DHX35: variants seen among roughly 807,000 people sequenced by gnomAD.
DHX35 encodes the protein probable ATP-dependent RNA helicase DHX35.
Under a neutral mutation model 99.6 loss-of-function variants are expected in DHX35, and 84 were observed. The observed-to-expected ratio is 0.84, with a 90% CI of 0.71 to 1.01. The LOEUF (loss-of-function observed/expected upper bound fraction) is 1.01. Among genes scored for constraint, DHX35 ranks in the 50% least tolerant of loss-of-function variants. The pLI is 0.00. For missense variants in DHX35, 852 were observed against 888.5 expected (o/e 0.96, Z 0.52); for synonymous variants, 331 against 316.2 (o/e 1.05, Z -0.50).
rs567313589 is a variant in DHX35 at position 39,034,416 on chromosome 20, C to T, written c.2067+99C>T. On this transcript the variant is annotated intron_variant, in intron 21 of 21. Transcript: ENST00000252011. ...TCCAATTTAATGCCCTATGTGTGTT[C>T]CCCCTAGGGGTGCATAGGGTGGAAA... is the stretch of plus-strand genomic sequence containing the variant. 3.0e-6 allele frequency: 3 copies of T among 994,354 alleles called. No individual in the cohort carries two copies. The South Asian group carries it at 4.1e-5, about 14-fold the overall frequency. The allele number at this position is 994,354 out of a possible 1,614,324, so 61.6% of individuals were successfully genotyped here. A position where few individuals can be genotyped will look rare whatever the true frequency, so the allele number is the denominator to read the frequency against.
At chr20:38,989,101 T>TC (rs202139669) in intron 5 of DHX35, among the ~76,000 whole-genome samples, 184 bp downstream of exon 5, 17,869 of 145,618 alleles carry the variant, frequency 0.12, 1,351 homozygotes, top group Middle Eastern at 0.23. Flanking sequence ...TTTTTTCTTT[T>TC]TTTTTTTTTT....
chr20:39,019,430 G>A (rs1471036902), intron 15 of DHX35, among the ~76,000 whole-genome samples: 1 of 152,138 alleles, frequency 6.6e-6, no homozygotes, highest in East Asian at 1.9e-4. Flanking sequence ...CACTTTGGTT[G>A]CTTCTAACTT....
chr20:38,991,634 C>A, intron 6 of DHX35, 119 bp downstream of exon 6: 1 of 817,852 alleles, frequency 1.2e-6, no homozygotes, highest in Non-Finnish European at 1.9e-6. Context: ...AAGCTTTTCT[C>A]TTGACCTTGG....
intron 18 of DHX35, among the ~76,000 whole-genome samples, chr20:39,027,273 A>G (rs2086972314): frequency 6.6e-6 from 1 of 152,244 alleles, no homozygotes; most frequent in Non-Finnish European, 1.5e-5. Context: ...ATGGAGACTA[A>G]ATAAATTACA....
rs534634735 is a variant in DHX35, at chr20:38,993,794, A to G, written c.583-1027A>G. Among the ~76,000 whole-genome samples the G allele has an allele frequency of 1.4e-3, 205 of 151,552 alleles. 1 individual carries two copies. The highest frequency in any genetic ancestry group is 4.0e-3 in the South Asian group (19 of 4,806). On this transcript the variant is annotated intron_variant, in intron 7 of 21. Transcript: ENST00000252011. ...ATAAGGAAAGTTTTCATCATTGCAG[A>G]GAGTTCTTTTAGACATAGGTACTGT... is the stretch of plus-strand genomic sequence containing the variant.
In DHX35 at chr20:39,006,163, T is replaced by C; in HGVS notation, c.1029T>C (p.Asn343=). 1.2e-6 allele frequency: 2 copies of C among 1,613,686 alleles called. No individual in the cohort carries two copies. Among genetic ancestry groups the C allele is most frequent in the Admixed American group, 1.7e-5 (1 of 60,010 alleles). The change falls in exon 12 of 22, where the codon AAT becomes AAC. Residue 343 remains asparagine (N), a synonymous_variant. Transcript: ENST00000252011. ...RSVRKVIVAT[N]VAETSITISG... ...GAACGTAGGTGATAGTGGCCACCAA[T>C]GTGGCAGAAACCTCTATCACAATCA... is the stretch of plus-strand genomic sequence containing the variant.
At chr20:38,974,200 A>G (rs1484494402) in intron 3 of DHX35, among the ~76,000 whole-genome samples, 1 of 152,214 alleles carries the variant, frequency 6.6e-6, no homozygotes, top group Non-Finnish European at 1.5e-5. Context: ...TTATATTGAG[A>G]TATAAGGTGA....
At chr20:39,034,122 T>A (rs1371466717) in intron 20 of DHX35, 84 bp from the exon 21 acceptor site, 74 of 1,003,308 alleles carry the variant, frequency 7.4e-5, no homozygotes, top group Non-Finnish European at 1.1e-4. Context: ...CTGTTAAAGG[T>A]TAAAGGAAAC....
intron 20 of DHX35, among the ~76,000 whole-genome samples, chr20:39,031,333 CTTTT>C (rs111833262): frequency 1.5e-5 from 2 of 131,686 alleles, no homozygotes; most frequent in African/African-American, 5.5e-5. Context: ...GCTCACGGTT[CTTTT>C]TTTTTTTTTT....
intron 1 of DHX35, among the ~76,000 whole-genome samples, chr20:38,963,327 A>T (rs893912798): frequency 3.3e-5 from 5 of 152,384 alleles, no homozygotes; most frequent in African/African-American, 7.2e-5. Flanking sequence ...TATTGCAGCA[A>T]AAATGAAATG....
rs2086521587 is a variant in DHX35 at position 39,001,657 on chromosome 20, A to G, written c.643-73A>G. On this transcript the variant is annotated intron_variant, in intron 8 of 21. Coordinates refer to ENST00000252011, the MANE Select transcript of DHX35 (RefSeq NM_021931.4). ...ACCTGTCTTTGGCAAGTTTTATATTATTTTTTCTTTCCATGAATCGCTACG... is the reference window on the plus strand; with the variant it reads ...ACCTGTCTTTGGCAAGTTTTATATTGTTTTTTCTTTCCATGAATCGCTACG... 4 of 1,205,662 alleles carry G rather than the reference A, an allele frequency of 3.3e-6. No homozygotes were observed. In the East Asian group the frequency reaches 9.4e-5, roughly 28 times the overall value. 74.7% of individuals were successfully genotyped at this position (1,205,662 alleles called of 1,614,324 possible). A position where few individuals can be genotyped will look rare whatever the true frequency, so the allele number is the denominator to read the frequency against.
chr20:38,978,694 A>T (rs916783227), intron 3 of DHX35, among the ~76,000 whole-genome samples: 1 of 152,056 alleles, frequency 6.6e-6, no homozygotes, highest in Non-Finnish European at 1.5e-5. Context: ...TTTTAATTTG[A>T]TGCAATCCCG....
At chr20:39,028,979 T>G (rs2087001334) in intron 19 of DHX35, among the ~76,000 whole-genome samples, 1 of 152,200 alleles carries the variant, frequency 6.6e-6, no homozygotes, top group Non-Finnish European at 1.5e-5. Flanking sequence ...ATAACCTGAT[T>G]CTTCCAGTTC....
intron 5 of DHX35, among the ~76,000 whole-genome samples, chr20:38,991,181 C>T (rs2086331510): frequency 6.6e-6 from 1 of 152,178 alleles, no homozygotes; most frequent in African/African-American, 2.4e-5. Flanking sequence ...GGTGCAAGCC[C>T]AGAGGAAATG....
Position 39,014,869 on chromosome 20 carries a change from G to T in DHX35, c.1348-11G>T. ...TAAATTGATTCAGGAAGATTTTTAT[G>T]TTTTTTCCAGCCCCCTCCAGCACAG... is the stretch of plus-strand genomic sequence containing the variant. On this transcript the variant is annotated splice_polypyrimidine_tract_variant and intron_variant, in intron 13 of 21. Coordinates refer to ENST00000252011, the MANE Select transcript of DHX35 (RefSeq NM_021931.4). 1 of 1,614,066 alleles carries T rather than the reference G, an allele frequency of 6.2e-7. No individual in the cohort carries two copies. Among genetic ancestry groups the T allele is most frequent in the Non-Finnish European group, 8.5e-7 (1 of 1,179,984 alleles).
At chr20:39,036,246 A>G (rs537393587) in intron 21 of DHX35, among the ~76,000 whole-genome samples, 1 of 152,358 alleles carries the variant, frequency 6.6e-6, no homozygotes, top group East Asian at 1.9e-4. Context: ...TTCTCAGCTC[A>G]AAATTCCAGT....
chr20:38,968,072 C>T (rs867318145), intron 1 of DHX35, among the ~76,000 whole-genome samples: 3 of 152,148 alleles, frequency 2.0e-5, no homozygotes, highest in South Asian at 2.1e-4. Context: ...AAGTGAGCTC[C>T]GTGAGGGTAG....
intron 16 of DHX35, among the ~76,000 whole-genome samples, chr20:39,023,320 A>G (rs770457159): frequency 6.6e-5 from 10 of 152,174 alleles, no homozygotes; most frequent in Non-Finnish European, 1.3e-4. Context: ...CCCACACGCT[A>G]TTCACCATGC....
chr20:39,025,387 C>T, intron 18 of DHX35, 28 bp downstream of exon 18: 1 of 1,608,350 alleles, frequency 6.2e-7, no homozygotes, highest in Non-Finnish European at 8.5e-7. Context: ...CAGCTGGTGA[C>T]CTCCCTTGCT....
Sources: allele counts gnomAD v4.1 joint callset (sites outside exome capture counted in the v4.1 genomes callset), GRCh38; gene constraint gnomAD v4.1.1; transcripts MANE v1.5; gene names NCBI Gene and HGNC (gene_info 2026-07-23, HGNC 2026-07-21).